VPS13A: variants seen among roughly 807,000 people sequenced by gnomAD.
The protein encoded by VPS13A is intermembrane lipid transfer protein VPS13A.
Under a neutral mutation model 390.9 loss-of-function variants are expected in VPS13A, and 264 were observed. The ratio of observed to expected loss-of-function variants is 0.68; its 90% CI spans 0.61 to 0.75. The LOEUF (loss-of-function observed/expected upper bound fraction) is 0.75, where lower values mean the gene tolerates loss of function less well. Among genes scored for constraint, VPS13A ranks in the 30% least tolerant of loss-of-function variants. VPS13A has a pLI of 0.00. For synonymous variants in VPS13A, 1,231 were observed against 1,227.1 expected, an observed-to-expected ratio of 1.00 and a Z score of -0.07; for missense variants, 3,409 against 3,733.9, an observed-to-expected ratio of 0.91 and a Z score of 2.27.
chr9:77,419,797 G>C lies in VPS13A; in HGVS notation c.*3791G>C, dbSNP rs920183125. 2.6e-5 allele frequency: 4 copies of C among 152,148 alleles called. No individual in the cohort carries two copies. The highest frequency in any genetic ancestry group is 5.9e-5 in the Non-Finnish European group (4 of 68,030). 9.4% of individuals were successfully genotyped at this position (152,148 alleles called of 1,614,324 possible). Reference sequence around the variant, plus strand: ...CATACATTGTCCTTTTGAGTCCGTTGAATCTGCACCATCTACCTTTTGGCT... The same window carrying C: ...CATACATTGTCCTTTTGAGTCCGTTCAATCTGCACCATCTACCTTTTGGCT... On this transcript the variant is annotated 3_prime_UTR_variant, in exon 72 of 72. Transcript: ENST00000360280.
rs1830630517 is a variant in VPS13A at position 77,338,077 on chromosome 9, GT to G, written c.6378+541del. On this transcript the variant is annotated intron_variant, in intron 47 of 71. Transcript: ENST00000360280. ...TGTAGTCTCAAACTTCTAGGCTCAA[GT>G]GATCCTTCCACCTCAGCCCCCCGAG... 2 of 152,576 alleles carry G rather than the reference GT, an allele frequency of 1.3e-5. 1 individual carries two copies. Among genetic ancestry groups the G allele is most frequent in the Admixed American group, 1.3e-4 (2 of 15,292 alleles). 9.5% of individuals were successfully genotyped at this position (152,576 alleles called of 1,614,324 possible). A position where few individuals can be genotyped will look rare whatever the true frequency, so the allele number is the denominator to read the frequency against.
intron 57 of VPS13A, among the ~76,000 whole-genome samples, chr9:77,359,004 T>G (rs1831977041): frequency 6.6e-6 from 1 of 152,196 alleles, no homozygotes; most frequent in Non-Finnish European, 1.5e-5. Flanking sequence ...AGAAGCTTTT[T>G]GGCCAGTATA....
rs117562448 is a variant in VPS13A at position 77,397,456 on chromosome 9, A to G, written c.9190-5780A>G. 8.5e-3 allele frequency among the ~76,000 whole-genome samples: 1,288 copies of G among 152,268 alleles called. 10 individuals are homozygous for G. The highest frequency in any genetic ancestry group is 0.014 in the South Asian group (67 of 4,828). On this transcript the variant is annotated intron_variant, in intron 68 of 71. Coordinates refer to ENST00000360280, the MANE Select transcript of VPS13A (RefSeq NM_033305.3). Reference sequence around the variant, plus strand: ...ACCAATTTTCTTAAATATATTTCCTATTAATGATTAACACATTCTTTGGTT... The same window carrying G: ...ACCAATTTTCTTAAATATATTTCCTGTTAATGATTAACACATTCTTTGGTT...
chr9:77,389,082 G>A (rs1042543817), intron 68 of VPS13A, among the ~76,000 whole-genome samples: 3 of 152,062 alleles, frequency 2.0e-5, no homozygotes, highest in African/African-American at 2.4e-5. Flanking sequence ...TATAGAAAAG[G>A]AAACAATTAT....
At chr9:77,338,209 T>G (rs151057573) in intron 47 of VPS13A, 2 of 152,336 alleles carry the variant, frequency 1.3e-5, no homozygotes, top group African/African-American at 4.8e-5. Context: ...TGGGCTCAAG[T>G]GATCCTCCCG....
At chr9:77,219,585 C>A (rs1419952234) in intron 10 of VPS13A, among the ~76,000 whole-genome samples, 1 of 152,084 alleles carries the variant, frequency 6.6e-6, no homozygotes, top group African/African-American at 2.4e-5. Context: ...ATAATGGAAA[C>A]CAGTGTTAAT....
intron 17 of VPS13A, among the ~76,000 whole-genome samples, chr9:77,237,188 T>C (rs1379357897): frequency 6.6e-6 from 1 of 151,852 alleles, no homozygotes; most frequent in Non-Finnish European, 1.5e-5. Flanking sequence ...GAGCCCAGCC[T>C]AGATTTTTTT....
intron 71 of VPS13A, among the ~76,000 whole-genome samples, chr9:77,409,280 A>G (rs1834788850): frequency 2.0e-5 from 3 of 152,238 alleles, no homozygotes; most frequent in South Asian, 4.1e-4. Flanking sequence ...AAGGACATCC[A>G]CACCAAAGCC....
chr9:77,230,920 T>A (rs552891232), intron 17 of VPS13A, among the ~76,000 whole-genome samples: 22 of 152,118 alleles, frequency 1.4e-4, no homozygotes, highest in Non-Finnish European at 1.3e-4. Context: ...TTTTAAAATT[T>A]GAACAACGTT....
chr9:77,280,537 G>T (rs1826957955), intron 27 of VPS13A, among the ~76,000 whole-genome samples: 1 of 151,988 alleles, frequency 6.6e-6, no homozygotes, highest in African/African-American at 2.4e-5. Context: ...TTGTTAGAGT[G>T]TATTGTTTTA....
chr9:77,298,832 G>A (rs534739759), intron 33 of VPS13A, among the ~76,000 whole-genome samples: 7 of 152,156 alleles, frequency 4.6e-5, no homozygotes, highest in South Asian at 2.1e-4. Flanking sequence ...TAAGTCTCAC[G>A]AACTCTGATG....
intron 41 of VPS13A, 39 bp from the exon 42 acceptor site, chr9:77,319,533 A>G: frequency 1.5e-6 from 2 of 1,331,266 alleles, no homozygotes; most frequent in South Asian, 1.2e-5. Flanking sequence ...GGGAAACAGG[A>G]TGGAAGATCA....
chr9:77,238,112 T>C lies in VPS13A; in HGVS notation c.1706T>C (p.Phe569Ser), dbSNP rs1160555170. 19 of 1,613,820 alleles carry C rather than the reference T, an allele frequency of 1.2e-5. No homozygotes were observed. In the East Asian group the frequency reaches 4.2e-4, roughly 36 times the overall value. ...GCAATGTCACTTTTCCAAATTACATTTGAGATAAATCCATTAGATGAAACT... is the reference window on the plus strand; with the variant it reads ...GCAATGTCACTTTTCCAAATTACATCTGAGATAAATCCATTAGATGAAACT... ...DDAMSLFQIT[F>S]EINPLDETVS... is the part of the protein sequence containing the mutation. Residue 569 changes from phenylalanine to serine, a missense_variant, in exon 18 of 72, where the codon TTT (phenylalanine) becomes TCT (serine). By Grantham distance (155) the Phe-to-Ser change is radical. Transcript: ENST00000360280.
In VPS13A at chr9:77,370,497, A is replaced by G. The variant is rs768111922; in HGVS notation, c.8826A>G (p.Gln2942=). The change falls in exon 65 of 72, where the codon CAA becomes CAG. Residue 2942 remains glutamine, a synonymous_variant. Transcript: ENST00000360280. ...VAAMTMDEDY[Q]QKRREAMNKQ... ...CTATGACCATGGATGAAGACTACCA[A>G]CAGAAGAGAAGAGAAGCCATGAATA... 5 of 1,614,100 alleles carry G rather than the reference A, an allele frequency of 3.1e-6. No individual in the cohort carries two copies. Among genetic ancestry groups the G allele is most frequent in the East Asian group, 2.2e-5 (1 of 44,896 alleles).
intron 17 of VPS13A, among the ~76,000 whole-genome samples, chr9:77,234,625 A>G (rs80161221): frequency 1.3e-5 from 2 of 152,238 alleles, no homozygotes; most frequent in East Asian, 1.9e-4. Context: ...GCCAGTCTCT[A>G]TCTTTCCTTT....
intron 35 of VPS13A, among the ~76,000 whole-genome samples, chr9:77,310,651 T>C (rs1285538794): frequency 6.6e-6 from 1 of 152,118 alleles, no homozygotes; most frequent in African/African-American, 2.4e-5. Context: ...AAACAACACA[T>C]GGAATACTTC....
At chr9:77,297,406 C>A (rs540825437) in intron 33 of VPS13A, among the ~76,000 whole-genome samples, 1 of 152,038 alleles carries the variant, frequency 6.6e-6, no homozygotes, top group South Asian at 2.1e-4. Context: ...CTGGCCTTCC[C>A]CTGGGTCCCC....
Position 77,295,840 on chromosome 9 carries a change from T to C in VPS13A, c.3806T>C (p.Leu1269Pro). The C allele has an allele frequency of 6.2e-7, 1 of 1,613,602 alleles. No individual in the cohort carries two copies. Among genetic ancestry groups the C allele is most frequent in the Non-Finnish European group, 8.5e-7 (1 of 1,179,876 alleles). ...LITIKLSEMR[L>P]YRSRFINDAY... The stretch of plus-strand genomic sequence containing the variant: ...ACAATAAAGCTGAGTGAAATGCGAC[T>C]ATACAGGTAAGCTTTTCACAAGTAT... Residue 1269 changes from leucine (L) to proline (P), a missense_variant, in exon 33 of 72, where the codon CTA becomes CCA. By Grantham distance (98) the Leu-to-Pro change is moderately conservative. Transcript: ENST00000360280.
chr9:77,367,732 G>T (rs1832513187), intron 61 of VPS13A, among the ~76,000 whole-genome samples: 1 of 152,174 alleles, frequency 6.6e-6, no homozygotes, highest in South Asian at 2.1e-4. Context: ...GGCCATGATA[G>T]GACAGAATTG....
Sources: gnomAD v4.1 joint callset for allele counts (sites outside exome capture counted in the v4.1 genomes callset) on GRCh38, gnomAD v4.1.1 for gene constraint, MANE v1.5 for transcripts, NCBI Gene and HGNC (gene_info 2026-07-23, HGNC 2026-07-21) for gene names.